The following DCT variants were observed in gnomAD, a reference collection of about 807,000 sequenced individuals.
DCT encodes L-dopachrome tautomerase.
In DCT, 47 loss-of-function variants were observed where a neutral mutation model predicts 53.0. That is an observed-to-expected ratio of 0.89 (90% CI 0.70 to 1.13). DCT has a LOEUF of 1.13. DCT is among the 50% of genes most tolerant of loss of function. The probability of loss-of-function intolerance (pLI) is 0.00; values close to 1 mark genes in which losing one functional copy is unlikely to be tolerated. For synonymous variants in DCT, 244 were observed against 237.0 expected, an observed-to-expected ratio of 1.03 and a Z score of -0.27; for missense variants, 669 against 637.4, an observed-to-expected ratio of 1.05 and a Z score of -0.53.
intron 2 of DCT, 70 bp downstream of exon 2, chr13:94,468,676 T>G: frequency 1.5e-6 from 2 of 1,349,296 alleles, no homozygotes; most frequent in Non-Finnish European, 2.1e-6. Flanking sequence ...TGAAATTACT[T>G]CCCACTGCCA....
At chr13:94,448,594 C>A (rs967865253) in intron 6 of DCT, among the ~76,000 whole-genome samples, 8 of 152,028 alleles carry the variant, frequency 5.3e-5, no homozygotes, top group African/African-American at 1.7e-4. Flanking sequence ...GAAACAAAAG[C>A]AAAAGTTAAA....
intron 7 of DCT, among the ~76,000 whole-genome samples, chr13:94,442,996 CT>C (rs918076480): frequency 2.0e-5 from 3 of 152,170 alleles, no homozygotes; most frequent in African/African-American, 7.2e-5. Context: ...AAATGTTGTA[CT>C]TTCCTCACCC....
the DCT span, among the ~76,000 whole-genome samples, chr13:94,544,084 AAAG>A: frequency 2.0e-5 from 3 of 152,010 alleles, no homozygotes; most frequent in African/African-American, 7.2e-5. Flanking sequence ...GCAATGTATG[AAAG>A]AAGAACTAAT....
intron 1 of DCT, among the ~76,000 whole-genome samples, chr13:94,478,521 G>T (rs999310261): frequency 1.9e-4 from 29 of 152,146 alleles, no homozygotes; most frequent in African/African-American, 6.8e-4. Context: ...CATGAGAAAT[G>T]CTGAGACCAG....
chr13:94,497,772 G>T, the DCT span, among the ~76,000 whole-genome samples: 1 of 152,072 alleles, frequency 6.6e-6, no homozygotes, highest in African/African-American at 2.4e-5. Flanking sequence ...GATGGAAGGG[G>T]AGGCAGGAGA....
At chr13:94,508,182 C>CT in the DCT span, among the ~76,000 whole-genome samples, 2 of 152,166 alleles carry the variant, frequency 1.3e-5, no homozygotes, top group Non-Finnish European at 2.9e-5. Context: ...GTCATAATAA[C>CT]TAACATTTGA....
chr13:94,477,492 G>C (rs1470862727), intron 1 of DCT, among the ~76,000 whole-genome samples: 1 of 152,176 alleles, frequency 6.6e-6, no homozygotes, highest in Non-Finnish European at 1.5e-5. Flanking sequence ...CTGCTAGAGA[G>C]GGGAGGGAGG....
At chr13:94,495,260 C>G in the DCT span, among the ~76,000 whole-genome samples, 1 of 152,180 alleles carries the variant, frequency 6.6e-6, no homozygotes, top group Non-Finnish European at 1.5e-5. Context: ...CCACACCTGG[C>G]TAATTTTTGT....
the DCT span, among the ~76,000 whole-genome samples, chr13:94,533,208 A>G: frequency 2.6e-5 from 4 of 151,190 alleles, no homozygotes; most frequent in Non-Finnish European, 4.4e-5. Context: ...TAGTTATAAC[A>G]TGAAAGAATC....
At chr13:94,518,595 T>C in the DCT span, among the ~76,000 whole-genome samples, 1 of 152,196 alleles carries the variant, frequency 6.6e-6, no homozygotes, top group African/African-American at 2.4e-5. Context: ...CTGGTCACAT[T>C]TCTCCACTTT....
At chr13:94,504,687 G>A in the DCT span, among the ~76,000 whole-genome samples, 57,656 of 151,878 alleles carry the variant, frequency 0.38, 11,408 homozygotes, top group East Asian at 0.61. Flanking sequence ...TTTTTGATCT[G>A]GGGGGATACT....
At chr13:94,499,080 T>C in the DCT span, among the ~76,000 whole-genome samples, 2 of 152,302 alleles carry the variant, frequency 1.3e-5, no homozygotes, top group South Asian at 2.1e-4. Flanking sequence ...CCTTCCACAC[T>C]GTGGAAGCTT....
chr13:94,492,843 T>A, the DCT span, among the ~76,000 whole-genome samples: 1 of 152,210 alleles, frequency 6.6e-6, no homozygotes, highest in Admixed American at 6.5e-5. Context: ...TTCAATAGCT[T>A]TTTAAAACCT....
the DCT span, among the ~76,000 whole-genome samples, chr13:94,520,124 A>C: frequency 6.6e-6 from 1 of 152,192 alleles, no homozygotes; most frequent in African/African-American, 2.4e-5. Flanking sequence ...TTAAAATTAG[A>C]GTCAATACAA....
Position 94,479,519 on chromosome 13 carries a change from A to G in DCT, c.-264T>C. On this transcript the variant is annotated 5_prime_UTR_variant, in exon 1 of 8. Coordinates refer to ENST00000377028, the MANE Select transcript of DCT (RefSeq NM_001922.5). Reference sequence around the variant, plus strand: ...TCCTTAGAAGCGCCTCTAACAACCAAATTTAATGAGGGTAGCGCTTCTCAC... The same window carrying G: ...TCCTTAGAAGCGCCTCTAACAACCAGATTTAATGAGGGTAGCGCTTCTCAC... The G allele has an allele frequency of 5.2e-6, 2 of 388,184 alleles. No individual in the cohort carries two copies. Among genetic ancestry groups the G allele is most frequent in the Non-Finnish European group, 9.3e-6 (2 of 215,974 alleles). The allele number at this position is 388,184 out of a possible 1,614,324, so 24.0% of individuals were successfully genotyped here.
chr13:94,498,706 C>A, the DCT span, among the ~76,000 whole-genome samples: 1 of 152,208 alleles, frequency 6.6e-6, no homozygotes, highest in Non-Finnish European at 1.5e-5. Flanking sequence ...GCCAACTGGA[C>A]TTCCTGGGTC....
chr13:94,509,277 T>A, the DCT span, among the ~76,000 whole-genome samples: 2 of 152,180 alleles, frequency 1.3e-5, no homozygotes, highest in Non-Finnish European at 2.9e-5. Context: ...GTATGGTGGG[T>A]AGGATGTCAG....
chr13:94,516,799 A>G, the DCT span, among the ~76,000 whole-genome samples: 3 of 130,716 alleles, frequency 2.3e-5, no homozygotes, highest in Non-Finnish European at 5.0e-5. Context: ...TCCTCACCAA[A>G]TGTAGCCTCT....
the DCT span, among the ~76,000 whole-genome samples, chr13:94,512,908 T>G: frequency 3.3e-5 from 5 of 152,064 alleles, no homozygotes; most frequent in Non-Finnish European, 7.4e-5. Flanking sequence ...GGAGCCTTCA[T>G]GCAGGTAACA....
Sources: gnomAD v4.1 joint callset for allele counts (sites outside exome capture counted in the v4.1 genomes callset) on GRCh38, gnomAD v4.1.1 for gene constraint, MANE v1.5 for transcripts, NCBI Gene and HGNC (gene_info 2026-07-23, HGNC 2026-07-21) for gene names.